The following ADAMTS9 variants were observed in gnomAD, a reference collection of about 807,000 sequenced individuals.
The protein encoded by ADAMTS9 is ADAM metallopeptidase with thrombospondin type 1 motif 9.
In ADAMTS9, 107 loss-of-function variants were observed where a neutral mutation model predicts 257.1. The observed-to-expected ratio is 0.42, with a 90% confidence interval of 0.36 to 0.49. The LOEUF is 0.49. Among genes scored for constraint, ADAMTS9 ranks in the 20% least tolerant of loss-of-function variants. ADAMTS9 has a pLI of 0.03. For missense variants in ADAMTS9, 2,353 were observed against 2,469.1 expected, an observed-to-expected ratio of 0.95 and a Z score of 1.00; for synonymous variants, 982 against 880.9, an observed-to-expected ratio of 1.11 and a Z score of -2.03.
intron 29 of ADAMTS9, among the ~76,000 whole-genome samples, chr3:64,562,792 A>G (rs918127389): frequency 1.3e-5 from 2 of 152,226 alleles, no homozygotes; most frequent in Non-Finnish European, 1.5e-5. Flanking sequence ...TTATTTTCCA[A>G]TTAACCTGTA....
Position 64,641,813 on chromosome 3 carries a change from C to CGGCAGT in ADAMTS9, c.1856+29_1856+34dup, listed in dbSNP as rs1234286738. 10 of 1,607,718 alleles carry CGGCAGT rather than the reference C, an allele frequency of 6.2e-6. No homozygotes were observed. The Admixed American group carries it at 1.7e-4, about 27-fold the overall frequency. Reference sequence around the variant, plus strand: ...CTTTAGGAATTTCATGTTCCTGCCACGGCAGTAATAACAGTTATACATTCT... The same window carrying CGGCAGT: ...CTTTAGGAATTTCATGTTCCTGCCACGGCAGTGGCAGTAATAACAGTTATACATTCT... On this transcript the variant is annotated intron_variant, in intron 12 of 39. Transcript: ENST00000498707.
intron 28 of ADAMTS9, among the ~76,000 whole-genome samples, chr3:64,579,402 T>A (rs1317823809): frequency 6.6e-6 from 1 of 152,184 alleles, no homozygotes; most frequent in Non-Finnish European, 1.5e-5. Context: ...TTTAATCTAA[T>A]TCTCACCTAC....
chr3:64,687,066 A>C lies in ADAMTS9; in HGVS notation c.116-98T>G, dbSNP rs1701932677. 7.1e-7 allele frequency: 1 copy of C among 1,400,304 alleles called. No individual in the cohort carries two copies. The highest frequency in any genetic ancestry group is 2.3e-5 in the East Asian group (1 of 43,594). The allele number at this position is 1,400,304 out of a possible 1,614,324, so 86.7% of individuals were successfully genotyped here. On this transcript the variant is annotated intron_variant, in intron 1 of 39. Transcript: ENST00000498707. The surrounding 1 kb of genome is among the most constrained non-coding windows in gnomAD (Gnocchi z 4.4). ...GGACTTTGTTCTGACCTTATTTTCC[A>C]GCCCATTCGAGTCAATCCCTTCACC... is the stretch of plus-strand genomic sequence containing the variant.
chr3:64,591,497 G>T (rs1362154109), intron 28 of ADAMTS9, among the ~76,000 whole-genome samples: 1 of 151,808 alleles, frequency 6.6e-6, no homozygotes, highest in East Asian at 1.9e-4. Flanking sequence ...GAGTCCAAAG[G>T]CCCATTTTAA....
chr3:64,563,837 T>C (rs1559765911), intron 29 of ADAMTS9, among the ~76,000 whole-genome samples: 1 of 152,208 alleles, frequency 6.6e-6, no homozygotes, highest in Non-Finnish European at 1.5e-5. Context: ...GCATTCACAG[T>C]AATCTTTGCT....
At chr3:64,594,809 C>T (rs1050449698) in intron 27 of ADAMTS9, among the ~76,000 whole-genome samples, 20 of 151,764 alleles carry the variant, frequency 1.3e-4, no homozygotes, top group African/African-American at 4.1e-4. Flanking sequence ...TTTTTTGAGA[C>T]GGAGTCTTGC....
Position 64,687,465 on chromosome 3 carries a change from G to A in ADAMTS9, c.115+78C>T, listed in dbSNP as rs907871391. 9.6e-6 allele frequency: 11 copies of A among 1,149,630 alleles called. No homozygotes were observed. In the South Asian group the frequency reaches 1.8e-4, roughly 19 times the overall value. The allele number at this position is 1,149,630 out of a possible 1,614,324, so 71.2% of individuals were successfully genotyped here. ...GGAAAAGGAGAGAAGCCTCCGCTGC[G>A]GGGTGCCCCTGCCCAGGAGCGAGGA... On this transcript the variant is annotated intron_variant, in intron 1 of 39. Transcript: ENST00000498707. The surrounding 1 kb of genome is among the most constrained non-coding windows in gnomAD (Gnocchi z 4.4).
intron 26 of ADAMTS9, among the ~76,000 whole-genome samples, chr3:64,600,034 T>G (rs1036475683): frequency 6.7e-6 from 1 of 149,608 alleles, no homozygotes; most frequent in Non-Finnish European, 1.5e-5. Context: ...TTTCTTTCAC[T>G]TGAGTCAGTT....
chr3:64,679,251 T>C (rs1168470777), intron 3 of ADAMTS9, among the ~76,000 whole-genome samples: 2 of 152,162 alleles, frequency 1.3e-5, no homozygotes, highest in East Asian at 3.9e-4. Context: ...TTTTTTTGAA[T>C]CACAGTACTA....
chr3:64,614,164 G>C (rs1451551915), intron 21 of ADAMTS9, among the ~76,000 whole-genome samples: 1 of 152,142 alleles, frequency 6.6e-6, no homozygotes, highest in African/African-American at 2.4e-5. Flanking sequence ...TTTACAGTTT[G>C]ATCTCCCAAC....
At chr3:64,646,073 T>C (rs1700778950) in intron 11 of ADAMTS9, among the ~76,000 whole-genome samples, 1 of 152,256 alleles carries the variant, frequency 6.6e-6, no homozygotes, top group African/African-American at 2.4e-5. Context: ...AAATTTTTCG[T>C]TGTTGTGTTT....
At position 64,546,889 on chromosome 3, in the gene ADAMTS9, C is replaced by T. The variant is rs745563488; in HGVS notation, c.4933G>A (p.Gly1645Arg). 2.2e-5 allele frequency: 36 copies of T among 1,613,962 alleles called. No individual in the cohort carries two copies. Among genetic ancestry groups the T allele is most frequent in the Admixed American group, 1.3e-4 (8 of 59,992 alleles). The change falls in exon 32 of 40, where the codon GGG becomes AGG. Residue 1645 changes from glycine (G) to arginine (R), a missense_variant. Gly to Arg is a moderately radical substitution (Grantham distance 125). Transcript: ENST00000498707. ...RLVSCSEIYTGKENYEYSYQT... is the reference protein window; with the variant it reads ...RLVSCSEIYTRKENYEYSYQT... ...TAGCTGTATTCATAATTCTCCTTCC[C>T]GGTGTAAATCTCGCTGCACGAGACA... is the stretch of plus-strand genomic sequence containing the variant.
chr3:64,533,932 T>C (rs978880637), intron 37 of ADAMTS9, among the ~76,000 whole-genome samples: 1 of 152,178 alleles, frequency 6.6e-6, no homozygotes, highest in Non-Finnish European at 1.5e-5. Flanking sequence ...TGCCTCAATA[T>C]TGATTTCTAA....
chr3:64,603,277 T>C (rs1462087466), intron 25 of ADAMTS9, among the ~76,000 whole-genome samples: 2 of 152,204 alleles, frequency 1.3e-5, no homozygotes, highest in Non-Finnish European at 1.5e-5. Context: ...CAAATTTCTC[T>C]CTCTATATTA....
intron 3 of ADAMTS9, among the ~76,000 whole-genome samples, chr3:64,675,603 A>T (rs1234598040): frequency 2.0e-5 from 3 of 152,166 alleles, no homozygotes; most frequent in African/African-American, 7.2e-5. Flanking sequence ...TGGGCAACAG[A>T]GTGAGATTCT....
At position 64,516,921 on chromosome 3, in the gene ADAMTS9, T is replaced by C. The variant is rs1209602431; in HGVS notation, c.*206A>G. ...AATATTAAACTTTACATCATTAGGA[T>C]AGTCTACATATCTACATACACACAT... On this transcript the variant is annotated 3_prime_UTR_variant, in exon 40 of 40. Coordinates refer to ENST00000498707, the MANE Select transcript of ADAMTS9 (RefSeq NM_182920.2). 1 of 152,658 alleles carries C rather than the reference T, an allele frequency of 6.6e-6. No individual in the cohort carries two copies. Among genetic ancestry groups the C allele is most frequent in the East Asian group, 1.9e-4 (1 of 5,184 alleles). The allele number at this position is 152,658 out of a possible 1,614,324, so 9.5% of individuals were successfully genotyped here. A position where few individuals can be genotyped will look rare whatever the true frequency, so the allele number is the denominator to read the frequency against.
intron 17 of ADAMTS9, 46 bp from the exon 18 acceptor site, chr3:64,622,373 A>G: frequency 6.2e-7 from 1 of 1,612,968 alleles, no homozygotes; most frequent in Non-Finnish European, 8.5e-7. Context: ...GGGCTTAGTA[A>G]TGCCAAGCAG....
At position 64,633,803 on chromosome 3, in the gene ADAMTS9, G is replaced by C. The variant is rs759728104; in HGVS notation, c.1933C>G (p.Gln645Glu). 12 of 1,613,090 alleles carry C rather than the reference G, an allele frequency of 7.4e-6. No individual in the cohort carries two copies. The highest frequency in any genetic ancestry group is 9.3e-6 in the Non-Finnish European group (11 of 1,179,906). The change falls in exon 13 of 40, where the codon CAG (glutamine) becomes GAG (glutamate). Residue 645 changes from glutamine to glutamate, a missense_variant. Gln to Glu is a conservative substitution (Grantham distance 29). This residue lies in a region of ADAMTS9 where 360 missense variants were observed against 458.1 expected (regional missense o/e 0.79). Coordinates refer to ENST00000498707, the MANE Select transcript of ADAMTS9 (RefSeq NM_182920.2). ...TGTTCATCTCGGAAGTCTCGCTTCT[G>C]CTTGAGACATGGCTCCGTGTTGCAG... is the stretch of plus-strand genomic sequence containing the variant. ...KSCNTEPCLK[Q>E]KRDFRDEQCA...
chr3:64,650,112 TTCA>T (rs1700895440), intron 9 of ADAMTS9: 1 of 205,548 alleles, frequency 4.9e-6, no homozygotes. Flanking sequence ...TAGTGTCTTT[TTCA>T]TCAAAGCACA....
Sources: allele counts gnomAD v4.1 joint callset (sites outside exome capture counted in the v4.1 genomes callset), GRCh38; gene constraint gnomAD v4.1.1; regional missense constraint gnomAD v4.1.1; non-coding constraint Gnocchi (gnomAD v3.1); transcripts MANE v1.5; gene names NCBI Gene and HGNC (gene_info 2026-07-23, HGNC 2026-07-21).